The following IGFL2 variants were observed in gnomAD, a reference collection of about 807,000 sequenced individuals.
IGFL2 encodes IGF like family member 2, also known as insulin growth factor-like family member 2.
Under a neutral mutation model 13.9 loss-of-function variants are expected in IGFL2, and 7 were observed. That is an observed-to-expected ratio of 0.51 (90% CI 0.29 to 0.95). The LOEUF is 0.95. IGFL2 is among the 40% of genes least tolerant of loss of function. IGFL2 has a pLI of 0.08. For synonymous variants in IGFL2, 55 were observed against 55.8 expected, an observed-to-expected ratio of 0.99 and a Z score of 0.07; for missense variants, 138 against 147.8, an observed-to-expected ratio of 0.93 and a Z score of 0.34.
At chr19:46,117,771 G>A in the IGFL2 span, among the ~76,000 whole-genome samples, 3 of 152,198 alleles carry the variant, frequency 2.0e-5, no homozygotes, top group African/African-American at 7.2e-5. Context: ...GAGCCACCGC[G>A]CCCGGACTAC....
At chr19:46,197,186 G>A in the IGFL2 span, 1 of 222,058 alleles carries the variant, frequency 4.5e-6, no homozygotes. Flanking sequence ...TTCGAGAAGT[G>A]CTGCCCCTGG....
At chr19:46,186,385 C>T in the IGFL2 span, among the ~76,000 whole-genome samples, 3 of 152,182 alleles carry the variant, frequency 2.0e-5, no homozygotes, top group Non-Finnish European at 4.4e-5. Flanking sequence ...TATTACCCAG[C>T]TGCGGTGTCC....
chr19:46,155,711 C>T (rs1028564362), intron 1 of IGFL2, among the ~76,000 whole-genome samples: 17 of 151,988 alleles, frequency 1.1e-4, no homozygotes, highest in Non-Finnish European at 2.4e-4. Flanking sequence ...AAGATACATT[C>T]CCCCCCAATA....
chr19:46,148,214 A>C (rs2146830910), upstream of IGFL2: 4 of 1,456,100 alleles, frequency 2.7e-6, no homozygotes, highest in Non-Finnish European at 3.8e-6. Flanking sequence ...AGCCTACATA[A>C]GTCCCTGTAT....
chr19:46,161,317 T>TA, downstream of IGFL2: 64 of 394,458 alleles, frequency 1.6e-4, no homozygotes, highest in Non-Finnish European at 2.2e-4. Flanking sequence ...TCGTCTCCTT[T>TA]CTTTTTTTTT....
intron 1 of IGFL2, among the ~76,000 whole-genome samples, chr19:46,158,122 A>T (rs561817276): frequency 6.6e-6 from 1 of 152,240 alleles, no homozygotes; most frequent in Non-Finnish European, 1.5e-5. Flanking sequence ...TGCTCCTGAA[A>T]GAAATAAATG....
At chr19:46,208,758 G>T in the IGFL2 span, 1 of 152,286 alleles carries the variant, frequency 6.6e-6, no homozygotes, top group Admixed American at 6.5e-5. Flanking sequence ...ACCATGGAAG[G>T]CGTGCCTTGC....
the IGFL2 span, among the ~76,000 whole-genome samples, chr19:46,106,560 T>C: frequency 2.6e-5 from 4 of 151,740 alleles, no homozygotes; most frequent in Admixed American, 1.3e-4. Context: ...GAATAATGGG[T>C]TGTGGAGGGA....
chr19:46,149,688 C>T (rs1256202731), intron 1 of IGFL2, among the ~76,000 whole-genome samples: 3 of 152,068 alleles, frequency 2.0e-5, no homozygotes, highest in African/African-American at 7.2e-5. Flanking sequence ...GGCATATCCC[C>T]ATTATAGAAT....
chr19:46,107,791 G>C, the IGFL2 span, among the ~76,000 whole-genome samples: 1 of 152,190 alleles, frequency 6.6e-6, no homozygotes, highest in Non-Finnish European at 1.5e-5. Flanking sequence ...TGCATATTGA[G>C]AATAAGACAG....
chr19:46,117,035 T>C, the IGFL2 span, among the ~76,000 whole-genome samples: 2 of 152,186 alleles, frequency 1.3e-5, no homozygotes. Flanking sequence ...GGAGTAAAAG[T>C]AGGCAAGGAT....
chr19:46,183,621 C>T, the IGFL2 span, among the ~76,000 whole-genome samples: 1 of 151,906 alleles, frequency 6.6e-6, no homozygotes, highest in Non-Finnish European at 1.5e-5. Context: ...CTGCAACCTC[C>T]ACCTCCTGGG....
At chr19:46,098,229 T>G in the IGFL2 span, among the ~76,000 whole-genome samples, 1 of 152,250 alleles carries the variant, frequency 6.6e-6, no homozygotes, top group African/African-American at 2.4e-5. Flanking sequence ...CTTTTCTTGC[T>G]GTATTGATCC....
chr19:46,148,283 T>A lies in IGFL2; in HGVS notation c.5T>A (p.Val2Glu), dbSNP rs1973247219. Residue 2 changes from valine to glutamate, a missense_variant, in exon 1 of 4, where the codon GTG becomes GAG. Coordinates refer to ENST00000377693, the MANE Select transcript of IGFL2 (RefSeq NM_001135113.2). Reference sequence around the variant, plus strand: ...CATCAGCTGCTCTGAAGCTCCATGGTGCCCAGAATCTTCGGTAAGGTAACC... The same window carrying A: ...CATCAGCTGCTCTGAAGCTCCATGGAGCCCAGAATCTTCGGTAAGGTAACC... M[V>E]PRIFAPAYVS... The A allele has an allele frequency of 1.9e-6, 3 of 1,551,588 alleles. No individual in the cohort carries two copies. The highest frequency in any genetic ancestry group is 2.6e-6 in the Non-Finnish European group (3 of 1,146,876).
At chr19:46,116,109 C>T in the IGFL2 span, among the ~76,000 whole-genome samples, 5 of 151,956 alleles carry the variant, frequency 3.3e-5, no homozygotes, top group Non-Finnish European at 7.4e-5. Context: ...ACTTTAAGTT[C>T]TAGGGTACAT....
chr19:46,120,797 A>C, the IGFL2 span, among the ~76,000 whole-genome samples: 4 of 150,864 alleles, frequency 2.7e-5, no homozygotes. Flanking sequence ...AAAACTATTA[A>C]GAGAGTAAAT....
upstream of IGFL2, chr19:46,147,733 A>G (rs1211293527): frequency 1.3e-5 from 2 of 152,378 alleles, no homozygotes; most frequent in Non-Finnish European, 2.9e-5. Context: ...TTGCAAGACC[A>G]TCATTAAAAG....
At chr19:46,127,201 C>T in the IGFL2 span, among the ~76,000 whole-genome samples, 7 of 152,158 alleles carry the variant, frequency 4.6e-5, no homozygotes, top group South Asian at 1.2e-3. Context: ...GCCTGGGCAA[C>T]AAAGCGAGAC....
the IGFL2 span, chr19:46,137,417 G>T: frequency 9.6e-7 from 1 of 1,036,302 alleles, no homozygotes. Context: ...TTCTTGCTCG[G>T]AAGGATGGAC....
Sources: gnomAD v4.1 joint callset for allele counts (sites outside exome capture counted in the v4.1 genomes callset) on GRCh38, gnomAD v4.1.1 for gene constraint, MANE v1.5 for transcripts, NCBI Gene and HGNC (gene_info 2026-07-23, HGNC 2026-07-21) for gene names.